Variants in NALCN observed in about 807,000 individuals in gnomAD.
NALCN encodes sodium leak channel, non-selective.
In NALCN, 111 loss-of-function variants were observed where a neutral mutation model predicts 225.3. That is an observed-to-expected ratio of 0.49 (90% CI 0.42 to 0.58). The LOEUF (loss-of-function observed/expected upper bound fraction) is 0.58. NALCN is among the 20% of genes least tolerant of loss of function. The pLI, the probability that NALCN is intolerant of heterozygous loss-of-function variation, is 0.00. For missense variants in NALCN, 1,378 were observed against 2,202.4 expected (o/e 0.63, Z 7.49); for synonymous variants, 764 against 769.0 (o/e 0.99, Z 0.11).
rs373154063 is a variant in NALCN at position 101,124,688 on chromosome 13, A to G, written c.2119-7T>C. The G allele has an allele frequency of 1.0e-4, 161 of 1,613,166 alleles. No individual in the cohort carries two copies. Among genetic ancestry groups the G allele is most frequent in the Non-Finnish European group, 1.2e-4 (142 of 1,179,440 alleles). On this transcript the variant is annotated splice_region_variant and splice_polypyrimidine_tract_variant and intron_variant, in intron 17 of 43. Coordinates refer to ENST00000251127, the MANE Select transcript of NALCN (RefSeq NM_052867.4). ...TGAAAACAGACTTGCGAAGCTGAAA[A>G]TGATAAGAGTATGACTTTTAGTTTT...
At chr13:101,164,315 AG>A (rs1247087313) in intron 15 of NALCN, among the ~76,000 whole-genome samples, 2 of 152,054 alleles carry the variant, frequency 1.3e-5, no homozygotes, top group African/African-American at 4.8e-5. Context: ...TTGGGGGGAC[AG>A]GGTCTTTCTC....
chr13:101,169,041 T>C (rs1305608781), intron 15 of NALCN, among the ~76,000 whole-genome samples: 2 of 152,234 alleles, frequency 1.3e-5, no homozygotes, highest in East Asian at 3.9e-4. Context: ...CTGCTTTAGA[T>C]GTTTTCTGTG....
intron 13 of NALCN, among the ~76,000 whole-genome samples, chr13:101,208,532 CTT>C (rs1254671333): frequency 6.6e-6 from 1 of 152,182 alleles, no homozygotes; most frequent in East Asian, 1.9e-4. Context: ...CATTGTGACA[CTT>C]TGTTACATGT....
chr13:101,410,286 C>T (rs2047742139), intron 1 of NALCN, among the ~76,000 whole-genome samples: 1 of 152,158 alleles, frequency 6.6e-6, no homozygotes. Flanking sequence ...CACACCTCTC[C>T]CATCACTGTT....
intron 15 of NALCN, among the ~76,000 whole-genome samples, chr13:101,149,462 C>T (rs144273012): frequency 6.4e-4 from 98 of 152,284 alleles, no homozygotes; most frequent in African/African-American, 1.9e-3. Flanking sequence ...GAGATATTTA[C>T]ACTCCCCAAA....
intron 20 of NALCN, 77 bp from the exon 21 acceptor site, chr13:101,107,866 A>G: frequency 1.0e-6 from 1 of 980,694 alleles, no homozygotes; most frequent in South Asian, 2.0e-5. Flanking sequence ...TAAAAAACTT[A>G]AAACTAATAT....
chr13:101,299,426 T>TTTTG lies in NALCN; in HGVS notation c.800-7064_800-7061dup, dbSNP rs145178011. 3.5e-3 allele frequency among the ~76,000 whole-genome samples: 526 copies of TTTTG among 151,620 alleles called. 2 individuals are homozygous for TTTTG. The highest frequency in any genetic ancestry group is 6.9e-3 in the African/African-American group (285 of 41,058). On this transcript the variant is annotated intron_variant, in intron 7 of 43. Coordinates refer to ENST00000251127, the MANE Select transcript of NALCN (RefSeq NM_052867.4). ...CAAGACAAACCACACACAGGGTTTTTTTTGTTTGTTTGTTTGTTTGTTTGT... is the reference window on the plus strand; with the variant it reads ...CAAGACAAACCACACACAGGGTTTTTTTTGTTTGTTTGTTTGTTTGTTTGTTTGT...
At chr13:101,076,156 TTC>T (rs2033239831) in intron 34 of NALCN, among the ~76,000 whole-genome samples, 1 of 152,196 alleles carries the variant, frequency 6.6e-6, no homozygotes, top group Non-Finnish European at 1.5e-5. Context: ...AAACTTCGGG[TTC>T]TGTTTTGCTC....
chr13:101,124,331 T>A (rs1313158410), intron 18 of NALCN, among the ~76,000 whole-genome samples: 2 of 152,302 alleles, frequency 1.3e-5, no homozygotes, highest in Non-Finnish European at 2.9e-5. Flanking sequence ...CTGTTAAAAA[T>A]AACAGTAAGT....
intron 7 of NALCN, among the ~76,000 whole-genome samples, chr13:101,331,481 A>G (rs932124392): frequency 6.6e-6 from 1 of 152,196 alleles, no homozygotes. Context: ...GAGCTTGAAA[A>G]TACGTAAACA....
chr13:101,375,851 T>C (rs1320776601), intron 6 of NALCN, among the ~76,000 whole-genome samples: 1 of 152,124 alleles, frequency 6.6e-6, no homozygotes, highest in Non-Finnish European at 1.5e-5. Flanking sequence ...CCCCAAACTC[T>C]ATATCTAGCT....
intron 15 of NALCN, among the ~76,000 whole-genome samples, chr13:101,163,663 T>TAGA (rs2038297999): frequency 3.3e-5 from 5 of 152,290 alleles, no homozygotes; most frequent in African/African-American, 1.2e-4. Context: ...TGTTCCCTGC[T>TAGA]GCCCCATGCT....
chr13:101,233,339 A>ATT (rs35072635), intron 12 of NALCN, among the ~76,000 whole-genome samples: 23,908 of 139,818 alleles, frequency 0.17, 2,214 homozygotes, highest in East Asian at 0.35. Context: ...CTTGGGAAGA[A>ATT]TTTTTTTTTT....
intron 12 of NALCN, among the ~76,000 whole-genome samples, chr13:101,229,883 C>T (rs969469754): frequency 3.9e-5 from 6 of 151,912 alleles, no homozygotes; most frequent in African/African-American, 1.2e-4. Context: ...TGCAAGGAAA[C>T]CTTTAATTCA....
At chr13:101,396,104 T>C (rs1018940383) in intron 2 of NALCN, among the ~76,000 whole-genome samples, 1 of 152,150 alleles carries the variant, frequency 6.6e-6, no homozygotes, top group African/African-American at 2.4e-5. Context: ...ACAAAATAAC[T>C]TTCTGTGCAA....
At chr13:101,091,320 G>T (rs1195434884) in intron 28 of NALCN, among the ~76,000 whole-genome samples, 1 of 152,032 alleles carries the variant, frequency 6.6e-6, no homozygotes, top group African/African-American at 2.4e-5. Flanking sequence ...TAACCCTCAG[G>T]ACAGGCAACG....
At chr13:101,383,153 C>T (rs2046896277) in intron 3 of NALCN, among the ~76,000 whole-genome samples, 1 of 152,158 alleles carries the variant, frequency 6.6e-6, no homozygotes, top group South Asian at 2.1e-4. Context: ...AAGTCTGTGC[C>T]AACCTTTCCT....
In NALCN at chr13:101,371,767, C is replaced by A. The variant is rs76630609; in HGVS notation, c.644+4933G>T. 5.8e-3 allele frequency among the ~76,000 whole-genome samples: 883 copies of A among 152,276 alleles called. 11 individuals are homozygous for A. Among genetic ancestry groups the A allele is most frequent in the African/African-American group, 0.02 (821 of 41,568 alleles). On this transcript the variant is annotated intron_variant, in intron 6 of 43. Transcript: ENST00000251127. ...GAGAGTTGCTGATTAGAGCATCTGA[C>A]CAGTTGGTCCACACTCTCTTACTAC...
intron 15 of NALCN, among the ~76,000 whole-genome samples, chr13:101,146,967 C>T (rs959775271): frequency 5.3e-5 from 8 of 152,164 alleles, no homozygotes; most frequent in Admixed American, 2.0e-4. Context: ...TTCTACTCCA[C>T]GAGACTTCAC....
Sources: gnomAD v4.1 joint callset for allele counts (sites outside exome capture counted in the v4.1 genomes callset) on GRCh38, gnomAD v4.1.1 for gene constraint, MANE v1.5 for transcripts, NCBI Gene and HGNC (gene_info 2026-07-23, HGNC 2026-07-21) for gene names.